The following MLLT3 variants were observed in gnomAD, a reference collection of about 807,000 sequenced individuals.
The protein encoded by MLLT3 is MLLT3 super elongation complex subunit.
A neutral mutation model predicts 53.2 loss-of-function variants in MLLT3; 4 were observed. The ratio of observed to expected loss-of-function variants is 0.08; its 90% confidence interval spans 0.04 to 0.17. MLLT3 has a LOEUF of 0.17. Ranked by LOEUF, MLLT3 falls within the 10% of genes least tolerant of loss-of-function variation. The probability of loss-of-function intolerance (pLI) is 1.00; values close to 1 mark genes in which losing one functional copy is unlikely to be tolerated. For missense variants in MLLT3, 569 were observed against 684.0 expected (o/e 0.83, Z 1.87); for synonymous variants, 283 against 230.6 (o/e 1.23, Z -2.06).
chr9:20,355,095 T>TAAAAAA (rs531598773), intron 8 of MLLT3, among the ~76,000 whole-genome samples: 304 of 63,086 alleles, frequency 4.8e-3, no homozygotes, highest in African/African-American at 5.6e-3. Context: ...AAAGTAGAAC[T>TAAAAAA]AAAAAAAAAA....
chr9:20,459,913 C>A (rs1242614253), intron 2 of MLLT3, among the ~76,000 whole-genome samples: 1 of 152,104 alleles, frequency 6.6e-6, no homozygotes, highest in Non-Finnish European at 1.5e-5. Flanking sequence ...TTTTTACACA[C>A]AATAAACAGG....
chr9:20,621,653 C>G lies in MLLT3; in HGVS notation c.12+592G>C. On this transcript the variant is annotated intron_variant, in intron 1 of 10. Transcript: ENST00000380338. This position sits in a 1 kb window ranked among gnomAD's most constrained non-coding sequence, Gnocchi z 7.0. The stretch of plus-strand genomic sequence containing the variant: ...TCAGAAAGGCAGGGCGGCGGGCGGA[C>G]AGCCGCCGAGCCTCGGCTCGCGCTC... 1 of 996,358 alleles carries G rather than the reference C, an allele frequency of 1.0e-6. No individual in the cohort carries two copies. The highest frequency in any genetic ancestry group is 1.4e-6 in the Non-Finnish European group (1 of 717,200). 61.7% of individuals were successfully genotyped at this position (996,358 alleles called of 1,614,324 possible). A position where few individuals can be genotyped will look rare whatever the true frequency, so the allele number is the denominator to read the frequency against.
chr9:20,394,920 G>A (rs1391428274), intron 5 of MLLT3, among the ~76,000 whole-genome samples: 1 of 152,064 alleles, frequency 6.6e-6, no homozygotes, highest in African/African-American at 2.4e-5. Context: ...TTTTTTGATG[G>A]AGGGAGGTGT....
At chr9:20,376,094 A>G (rs1821758082) in intron 5 of MLLT3, among the ~76,000 whole-genome samples, 1 of 152,184 alleles carries the variant, frequency 6.6e-6, no homozygotes, top group South Asian at 2.1e-4. Context: ...ATATCCAAGA[A>G]AAAAATACCA....
At chr9:20,406,508 A>G (rs1163087917) in intron 5 of MLLT3, among the ~76,000 whole-genome samples, 2 of 151,830 alleles carry the variant, frequency 1.3e-5, no homozygotes, top group Non-Finnish European at 2.9e-5. Flanking sequence ...ATAGTTTATC[A>G]TACTTAAAAA....
chr9:20,369,399 A>G (rs943439918), intron 5 of MLLT3, among the ~76,000 whole-genome samples: 1 of 152,270 alleles, frequency 6.6e-6, no homozygotes, highest in Non-Finnish European at 1.5e-5. Context: ...TTTAAATTTA[A>G]GAAAGCATGA....
intron 2 of MLLT3, among the ~76,000 whole-genome samples, chr9:20,539,717 T>A (rs1818577642): frequency 6.6e-6 from 1 of 152,112 alleles, no homozygotes; most frequent in African/African-American, 2.4e-5. Flanking sequence ...CCAAACCATA[T>A]CATTCTTCCC....
intron 2 of MLLT3, among the ~76,000 whole-genome samples, chr9:20,552,572 G>A (rs367724010): frequency 1.1e-4 from 16 of 152,106 alleles, no homozygotes; most frequent in South Asian, 4.2e-4. Context: ...CAGAAGAGGC[G>A]AGAACAGAAC....
At chr9:20,502,947 C>T (rs536106037) in intron 2 of MLLT3, among the ~76,000 whole-genome samples, 45 of 152,208 alleles carry the variant, frequency 3.0e-4, no homozygotes, top group African/African-American at 1.1e-3. Context: ...ACAATCCATT[C>T]ACTACAGCAA....
intron 2 of MLLT3, among the ~76,000 whole-genome samples, chr9:20,467,528 A>C (rs1341204989): frequency 1.3e-5 from 2 of 152,250 alleles, no homozygotes; most frequent in African/African-American, 4.8e-5. Flanking sequence ...CTGTGAGCCG[A>C]GATCATGCCA....
In MLLT3 at chr9:20,342,111, G is replaced by C. The variant is rs575962457; in HGVS notation, c.*4332C>G. ...GAAACAGCATCACTTCTTGAGAAAA[G>C]GCTAGGGGCTAATTTTTCCTGTATG... is the stretch of plus-strand genomic sequence containing the variant. On this transcript the variant is annotated 3_prime_UTR_variant, in exon 11 of 11. Transcript: ENST00000380338. The C allele has an allele frequency of 4.7e-6, 1 of 213,924 alleles. No homozygotes were observed. Among genetic ancestry groups the C allele is most frequent in the South Asian group, 1.9e-4 (1 of 5,366 alleles). The allele number at this position is 213,924 out of a possible 1,614,324, so 13.3% of individuals were successfully genotyped here. A position where few individuals can be genotyped will look rare whatever the true frequency, so the allele number is the denominator to read the frequency against.
Position 20,342,262 on chromosome 9 carries a change from AC to A in MLLT3, c.*4180del. On this transcript the variant is annotated 3_prime_UTR_variant, in exon 11 of 11. Coordinates refer to ENST00000380338, the MANE Select transcript of MLLT3 (RefSeq NM_004529.4). ...CACCTATTTCTATCAATCTGTACTT[AC>A]ATTTCAACATGGATTTTAGAGAAGG... 4.5e-6 allele frequency: 1 copy of A among 222,760 alleles called. No individual in the cohort carries two copies. Among genetic ancestry groups the A allele is most frequent in the Non-Finnish European group, 9.0e-6 (1 of 111,492 alleles). The allele number at this position is 222,760 out of a possible 1,614,324, so 13.8% of individuals were successfully genotyped here.
At chr9:20,455,267 T>G (rs572192871) in intron 3 of MLLT3, among the ~76,000 whole-genome samples, 1 of 152,178 alleles carries the variant, frequency 6.6e-6, no homozygotes, top group Non-Finnish European at 1.5e-5. Context: ...GCACAGAAAT[T>G]AGGAGCATAG....
At chr9:20,583,742 C>T (rs1463928003) in intron 2 of MLLT3, among the ~76,000 whole-genome samples, 1 of 152,138 alleles carries the variant, frequency 6.6e-6, no homozygotes, top group Non-Finnish European at 1.5e-5. Context: ...CACAGGACAC[C>T]AAGTCCCTAT....
At chr9:20,476,886 T>C (rs1324449134) in intron 2 of MLLT3, among the ~76,000 whole-genome samples, 2 of 152,188 alleles carry the variant, frequency 1.3e-5, no homozygotes, top group African/African-American at 4.8e-5. Context: ...TCAATAACCA[T>C]AGCATACGTT....
chr9:20,406,335 A>G (rs1472952839), intron 5 of MLLT3, among the ~76,000 whole-genome samples: 1 of 152,074 alleles, frequency 6.6e-6, no homozygotes, highest in Non-Finnish European at 1.5e-5. Flanking sequence ...TCAAATTCTA[A>G]CTTTGTACTA....
At chr9:20,534,655 G>C (rs1043597599) in intron 2 of MLLT3, among the ~76,000 whole-genome samples, 3 of 152,208 alleles carry the variant, frequency 2.0e-5, no homozygotes, top group Admixed American at 1.3e-4. Flanking sequence ...GGGACGCCAA[G>C]GCGGGCGGAT....
At chr9:20,370,491 T>A (rs899181558) in intron 5 of MLLT3, among the ~76,000 whole-genome samples, 2 of 151,684 alleles carry the variant, frequency 1.3e-5, no homozygotes, top group Non-Finnish European at 2.9e-5. Context: ...CTCTAAATGT[T>A]CAAATGAAAG....
At chr9:20,398,776 C>A (rs1822382578) in intron 5 of MLLT3, among the ~76,000 whole-genome samples, 1 of 152,036 alleles carries the variant, frequency 6.6e-6, no homozygotes, top group African/African-American at 2.4e-5. Flanking sequence ...AATAGAGAAG[C>A]AAATGTCTCG....
Sources: allele counts gnomAD v4.1 joint callset (sites outside exome capture counted in the v4.1 genomes callset), GRCh38; gene constraint gnomAD v4.1.1; non-coding constraint Gnocchi (gnomAD v3.1); transcripts MANE v1.5; gene names NCBI Gene and HGNC (gene_info 2026-07-23, HGNC 2026-07-21).